Variants in RORA observed in about 807,000 individuals in gnomAD.
The protein encoded by RORA is RAR related orphan receptor A.
RORA carries 7 observed loss-of-function variants against 69.5 expected under a neutral mutation model. That is an observed-to-expected ratio of 0.10 (90% CI 0.06 to 0.19). The LOEUF is 0.19. Ranked by LOEUF, RORA falls within the 10% of genes least tolerant of loss-of-function variation. The pLI, the probability that RORA is intolerant of heterozygous loss-of-function variation, is 1.00. For missense variants in RORA, 457 were observed against 663.0 expected, an observed-to-expected ratio of 0.69 and a Z score of 3.41; for synonymous variants, 261 against 240.8, an observed-to-expected ratio of 1.08 and a Z score of -0.78.
chr15:61,158,887 C>T (rs1432465816), intron 1 of RORA, among the ~76,000 whole-genome samples: 1 of 152,190 alleles, frequency 6.6e-6, no homozygotes, highest in Non-Finnish European at 1.5e-5. Context: ...AGGAAAAGTA[C>T]ATTGGGAATA....
At chr15:60,864,975 A>T (rs1399753215) in intron 1 of RORA, among the ~76,000 whole-genome samples, 1 of 152,178 alleles carries the variant, frequency 6.6e-6, no homozygotes, top group East Asian at 1.9e-4. Context: ...TCCTTTGGGG[A>T]ACAGTAGTAG....
intron 1 of RORA, among the ~76,000 whole-genome samples, chr15:60,801,919 G>T (rs573671734): frequency 3.9e-5 from 6 of 152,150 alleles, no homozygotes; most frequent in African/African-American, 1.4e-4. Context: ...ATTTCATCTT[G>T]TTTTATTTGA....
chr15:60,929,305 C>G (rs962588967), intron 1 of RORA, among the ~76,000 whole-genome samples: 2 of 152,180 alleles, frequency 1.3e-5, no homozygotes, highest in African/African-American at 4.8e-5. Flanking sequence ...CAAAATTTAT[C>G]TTTCACAGGA....
At chr15:60,939,235 G>A (rs1892616035) in intron 1 of RORA, among the ~76,000 whole-genome samples, 2 of 151,986 alleles carry the variant, frequency 1.3e-5, no homozygotes, top group African/African-American at 2.4e-5. Context: ...AACAAACTGC[G>A]ACCTTGTTCC....
At chr15:60,512,414 G>T (rs768986126) in intron 4 of RORA, among the ~76,000 whole-genome samples, 1 of 152,108 alleles carries the variant, frequency 6.6e-6, no homozygotes, top group African/African-American at 2.4e-5. Context: ...GGCCTCCTAC[G>T]TAGCTGGGAC....
intron 1 of RORA, among the ~76,000 whole-genome samples, chr15:61,211,377 T>A (rs1394563528): frequency 1.3e-5 from 2 of 151,998 alleles, no homozygotes; most frequent in African/African-American, 4.8e-5. Context: ...ATAAACCCCT[T>A]TGAAGAAAAC....
chr15:60,680,927 T>C (rs2070633303), intron 1 of RORA, among the ~76,000 whole-genome samples: 1 of 152,218 alleles, frequency 6.6e-6, no homozygotes, highest in Non-Finnish European at 1.5e-5. Context: ...AAAATTGCAT[T>C]ACAACTGCTT....
chr15:60,826,753 C>G (rs1303051078), intron 1 of RORA, among the ~76,000 whole-genome samples: 280 of 93,222 alleles, frequency 3.0e-3, no homozygotes, highest in Non-Finnish European at 6.1e-3. Flanking sequence ...CTCTCTCTCT[C>G]TCTCTCTCTC....
chr15:60,941,119 G>A (rs563901079), intron 1 of RORA, among the ~76,000 whole-genome samples: 2 of 152,264 alleles, frequency 1.3e-5, no homozygotes, highest in Admixed American at 6.5e-5. Flanking sequence ...CCTAAGCTTG[G>A]AGACACCAAA....
At chr15:60,984,143 A>G (rs1439252740) in intron 1 of RORA, among the ~76,000 whole-genome samples, 1 of 152,206 alleles carries the variant, frequency 6.6e-6, no homozygotes, top group Non-Finnish European at 1.5e-5. Flanking sequence ...AGTTTCTCAT[A>G]TACAATTATT....
chr15:60,829,225 C>T (rs968827404), intron 1 of RORA, among the ~76,000 whole-genome samples: 2 of 152,156 alleles, frequency 1.3e-5, no homozygotes, highest in African/African-American at 2.4e-5. Flanking sequence ...AAGGCTTCAT[C>T]CCCACTGGCA....
At chr15:60,979,824 T>C (rs570221631) in intron 1 of RORA, among the ~76,000 whole-genome samples, 1 of 152,296 alleles carries the variant, frequency 6.6e-6, no homozygotes, top group South Asian at 2.1e-4. Flanking sequence ...TTCCTTCTTC[T>C]AATCTGGATT....
At position 60,905,239 on chromosome 15, in the gene RORA, T is replaced by C. The variant is rs942298690; in HGVS notation, c.167-226553A>G. ...TTTCCCTTAGCCACTGGGCAACCAA[T>C]GTCTCCTTCTGAACAGTTGGGAGAA... On this transcript the variant is annotated intron_variant, in intron 1 of 10. Coordinates refer to ENST00000335670, the MANE Select transcript of RORA (RefSeq NM_134261.3). The surrounding 1 kb of genome is among the most constrained non-coding windows in gnomAD (Gnocchi z 4.8). Among the ~76,000 whole-genome samples, 8 of 152,340 alleles carry C rather than the reference T, an allele frequency of 5.3e-5. No homozygotes were observed. Among genetic ancestry groups the C allele is most frequent in the Admixed American group, 1.3e-4 (2 of 15,310 alleles).
chr15:61,051,500 C>A (rs992543334), intron 1 of RORA, among the ~76,000 whole-genome samples: 2 of 152,188 alleles, frequency 1.3e-5, no homozygotes, highest in Non-Finnish European at 2.9e-5. Flanking sequence ...ATCCAGTGAT[C>A]CCCTGCGAAA....
intron 1 of RORA, among the ~76,000 whole-genome samples, chr15:61,140,635 C>G (rs925149960): frequency 6.6e-6 from 1 of 151,898 alleles, no homozygotes; most frequent in African/African-American, 2.4e-5. Context: ...CAAGGGGACC[C>G]CAAAACTTTA....
chr15:60,730,941 G>A (rs1037247829), intron 1 of RORA, among the ~76,000 whole-genome samples: 4 of 151,874 alleles, frequency 2.6e-5, no homozygotes, highest in African/African-American at 7.3e-5. Context: ...GGTACACCTG[G>A]TTTGTTACAT....
At chr15:60,946,382 C>A (rs1206286423) in intron 1 of RORA, among the ~76,000 whole-genome samples, 1 of 152,222 alleles carries the variant, frequency 6.6e-6, no homozygotes, top group African/African-American at 2.4e-5. Flanking sequence ...ATTCTTCTGC[C>A]TCAGCCTGCC....
At chr15:61,092,472 A>G (rs782910) in intron 1 of RORA, among the ~76,000 whole-genome samples, 120,283 of 152,156 alleles carry the variant, frequency 0.79, 47,661 homozygotes, top group African/African-American at 0.85. Flanking sequence ...GGCAAACACC[A>G]CTTTATCAAG....
rs147474190 is a variant in RORA, at chr15:60,948,000, G to C, written c.167-269314C>G. On this transcript the variant is annotated intron_variant, in intron 1 of 10. Transcript: ENST00000335670. ...CATCTATAGGGGTGGATGATGCCTT[G>C]ATGATTTCCTTGGATGTCATGGCTA... Among the ~76,000 whole-genome samples, 342 of 152,316 alleles carry C rather than the reference G, an allele frequency of 2.2e-3. 1 individual carries two copies. The highest frequency in any genetic ancestry group is 4.1e-3 in the South Asian group (20 of 4,826).
Sources: allele counts gnomAD v4.1 joint callset (sites outside exome capture counted in the v4.1 genomes callset), GRCh38; gene constraint gnomAD v4.1.1; non-coding constraint Gnocchi (gnomAD v3.1); transcripts MANE v1.5; gene names NCBI Gene and HGNC (gene_info 2026-07-23, HGNC 2026-07-21).